Variants in FAT3 observed in about 807,000 individuals in gnomAD.
FAT3 encodes the protein protocadherin Fat 3.
A neutral mutation model predicts 310.2 loss-of-function variants in FAT3; 95 were observed. That is an observed-to-expected ratio of 0.31 (90% CI 0.26 to 0.36). The LOEUF (loss-of-function observed/expected upper bound fraction) is 0.36. Ranked by LOEUF, FAT3 falls within the 10% of genes least tolerant of loss-of-function variation. The pLI is 1.00. For missense variants in FAT3, 5,408 were observed against 5,715.6 expected, an observed-to-expected ratio of 0.95 and a Z score of 1.74; for synonymous variants, 2,314 against 2,192.9, an observed-to-expected ratio of 1.06 and a Z score of -1.54.
At position 92,801,369 on chromosome 11, in the gene FAT3, A is replaced by G. The variant is rs1488426308; in HGVS notation, c.8356A>G (p.Thr2786Ala). The change falls in exon 10 of 28, where the codon ACT (threonine) becomes GCT (alanine). Residue 2786 changes from threonine (T) to alanine (A), a missense_variant. Physicochemically the swap from Thr to Ala is moderately conservative, Grantham distance 58 (BLOSUM62 0). Coordinates refer to ENST00000525166, the MANE Select transcript of FAT3 (RefSeq NM_001367949.2). ...AGCTTTCCACTTTAAAGTAGCAGCCACTATACCCCTGGACAAAGTAGACAT... is the reference window on the plus strand; with the variant it reads ...AGCTTTCCACTTTAAAGTAGCAGCCGCTATACCCCTGGACAAAGTAGACAT... ...SPAFHFKVAA[T>A]IPLDKVDIVF... 5.0e-6 allele frequency: 8 copies of G among 1,613,966 alleles called. No individual in the cohort carries two copies. The highest frequency in any genetic ancestry group is 1.3e-5 in the African/African-American group (1 of 75,054).
At chr11:92,489,887 C>CTTTTTT (rs566218023) in intron 2 of FAT3, among the ~76,000 whole-genome samples, 1 of 139,976 alleles carries the variant, frequency 7.1e-6, no homozygotes, top group Non-Finnish European at 1.6e-5. Flanking sequence ...TTTTCTTTTT[C>CTTTTTT]TTTTTTTTTT....
At chr11:92,802,358 C>T (rs902913427) in intron 10 of FAT3, among the ~76,000 whole-genome samples, 2 of 152,164 alleles carry the variant, frequency 1.3e-5, no homozygotes, top group African/African-American at 2.4e-5. Flanking sequence ...CCTGTGCACA[C>T]ATGTACACAC....
intron 22 of FAT3, among the ~76,000 whole-genome samples, chr11:92,874,169 AT>A (rs1320866773): frequency 6.6e-6 from 1 of 152,224 alleles, no homozygotes; most frequent in Non-Finnish European, 1.5e-5. Context: ...GAGATCAACC[AT>A]TGATATTTTT....
At chr11:92,547,687 C>T (rs1407206609) in intron 3 of FAT3, among the ~76,000 whole-genome samples, 1 of 152,120 alleles carries the variant, frequency 6.6e-6, no homozygotes, top group Non-Finnish European at 1.5e-5. Context: ...CCCAGGCCCA[C>T]ACTCTGCTCT....
chr11:92,599,262 A>G (rs1358821295), intron 3 of FAT3, among the ~76,000 whole-genome samples: 3 of 152,160 alleles, frequency 2.0e-5, no homozygotes, highest in African/African-American at 7.2e-5. Flanking sequence ...ACTTACAATC[A>G]TTGTGGAAGG....
At position 92,895,625 on chromosome 11, in the gene FAT3, T is replaced by C. The variant is rs1396753751; in HGVS notation, c.*4512T>C. 6.6e-6 allele frequency: 1 copy of C among 152,188 alleles called. No homozygotes were observed. The highest frequency in any genetic ancestry group is 1.5e-5 in the Non-Finnish European group (1 of 68,036). The allele number at this position is 152,188 out of a possible 1,614,324, so 9.4% of individuals were successfully genotyped here. A position where few individuals can be genotyped will look rare whatever the true frequency, so the allele number is the denominator to read the frequency against. On this transcript the variant is annotated 3_prime_UTR_variant, in exon 28 of 28. Coordinates refer to ENST00000525166, the MANE Select transcript of FAT3 (RefSeq NM_001367949.2). ...GAATTGCTACTATTTAACAATCTTA[T>C]GAGCCCACACTACTGCATTTTGGGA...
chr11:92,426,971 T>A (rs911723262), intron 2 of FAT3, among the ~76,000 whole-genome samples: 5 of 152,206 alleles, frequency 3.3e-5, no homozygotes, highest in Non-Finnish European at 7.3e-5. Flanking sequence ...TTGGGTAGTA[T>A]GGCCATTTTC....
intron 1 of FAT3, among the ~76,000 whole-genome samples, chr11:92,315,512 T>TATATATATATAG (rs1353970811): frequency 1.4e-4 from 8 of 56,176 alleles, no homozygotes; most frequent in Admixed American, 2.4e-4. Context: ...TATATATATA[T>TATATATATATAG]AGAGAGAGAG....
At chr11:92,690,095 C>T (rs1674086) in intron 3 of FAT3, among the ~76,000 whole-genome samples, 44,226 of 152,124 alleles carry the variant, frequency 0.29, 6,743 homozygotes, top group Non-Finnish European at 0.33. Context: ...CCTTTGCTAC[C>T]TGTAGCGGCT....
At chr11:92,415,134 T>C (rs72972403) in intron 2 of FAT3, among the ~76,000 whole-genome samples, 3,818 of 152,300 alleles carry the variant, frequency 0.025, 58 homozygotes, top group Non-Finnish European at 0.03. Flanking sequence ...TTTCTTGCCC[T>C]GATGTGCTGG....
At chr11:92,775,285 A>G (rs1946571012) in intron 7 of FAT3, among the ~76,000 whole-genome samples, 1 of 152,186 alleles carries the variant, frequency 6.6e-6, no homozygotes, top group Admixed American at 6.5e-5. Context: ...TATAAAGGAG[A>G]GAGGATGAAT....
rs1351259071 is a variant in FAT3 at position 92,801,540 on chromosome 11, T to TC, written c.8527_8528insC (p.Trp2843SerfsTer27). 2 of 1,608,326 alleles carry TC rather than the reference T, an allele frequency of 1.2e-6. No individual in the cohort carries two copies. Among genetic ancestry groups the TC allele is most frequent in the Non-Finnish European group, 1.7e-6 (2 of 1,177,208 alleles). ...ACAAGTGAGAGCTATTGATATGGACTGGGGAGCCAATGGACAAGTCACTTA... is the reference window on the plus strand; with the variant it reads ...ACAAGTGAGAGCTATTGATATGGACTCGGGGAGCCAATGGACAAGTCACTTA... On this transcript the variant is annotated frameshift_variant, in exon 10 of 28. Coordinates refer to ENST00000525166, the MANE Select transcript of FAT3 (RefSeq NM_001367949.2). LOFTEE classifies it high-confidence loss of function.
At chr11:92,543,670 T>C (rs1407577212) in intron 3 of FAT3, among the ~76,000 whole-genome samples, 1 of 152,212 alleles carries the variant, frequency 6.6e-6, no homozygotes, top group African/African-American at 2.4e-5. Context: ...ACTGTATGCC[T>C]TATGGGTTTG....
At position 92,480,041 on chromosome 11, in the gene FAT3, G is replaced by A. The variant is rs1278643517; in HGVS notation, c.3293-44593G>A. On this transcript the variant is annotated intron_variant, in intron 2 of 27. Transcript: ENST00000525166. ...AGCACTTTGGGAGGCTGAGGCAGGC[G>A]GATCACAAGGTCAGAAGATCGAGAC... Among the ~76,000 whole-genome samples the A allele has an allele frequency of 2.0e-5, 3 of 152,016 alleles. No individual in the cohort carries two copies. In the East Asian group the frequency reaches 5.8e-4, roughly 30 times the overall value.
At chr11:92,502,965 G>A (rs145124139) in intron 2 of FAT3, among the ~76,000 whole-genome samples, 39 of 152,180 alleles carry the variant, frequency 2.6e-4, no homozygotes, top group African/African-American at 8.2e-4. Context: ...ATGCCTGTAC[G>A]TACAGTGAAG....
chr11:92,475,175 A>G (rs1041707203), intron 2 of FAT3, among the ~76,000 whole-genome samples: 1 of 152,056 alleles, frequency 6.6e-6, no homozygotes, highest in Admixed American at 6.5e-5. Flanking sequence ...TGTCTCCTCT[A>G]GTTTCTAGGG....
At chr11:92,401,479 C>T (rs780003288) in intron 2 of FAT3, among the ~76,000 whole-genome samples, 17 of 152,220 alleles carry the variant, frequency 1.1e-4, no homozygotes, top group Non-Finnish European at 2.2e-4. Context: ...AAATAAAAAC[C>T]ATAGTCAACA....
chr11:92,609,702 T>G (rs1940473862), intron 3 of FAT3, among the ~76,000 whole-genome samples: 1 of 152,132 alleles, frequency 6.6e-6, no homozygotes. Context: ...ATCTTGTGAA[T>G]AAGAGAGTAA....
chr11:92,334,876 C>G (rs536381706), intron 1 of FAT3, among the ~76,000 whole-genome samples: 3 of 152,154 alleles, frequency 2.0e-5, no homozygotes, highest in African/African-American at 7.2e-5. Flanking sequence ...AATTAAATTA[C>G]GCTTACGTGA....
Sources: gnomAD v4.1 joint callset for allele counts (sites outside exome capture counted in the v4.1 genomes callset) on GRCh38, gnomAD v4.1.1 for gene constraint, MANE v1.5 for transcripts, NCBI Gene and HGNC (gene_info 2026-07-23, HGNC 2026-07-21) for gene names.